TMEM163: variants seen among roughly 807,000 people sequenced by gnomAD.
The protein encoded by TMEM163 is transmembrane protein 163.
In TMEM163, 17 loss-of-function variants were observed where a neutral mutation model predicts 29.3. That is an observed-to-expected ratio of 0.58 (90% CI 0.40 to 0.87). The LOEUF is 0.87. Among genes scored for constraint, TMEM163 ranks in the 40% least tolerant of loss-of-function variants. The pLI, the probability that TMEM163 is intolerant of heterozygous loss-of-function variation, is 0.00. For missense variants in TMEM163, 303 were observed against 381.5 expected (o/e 0.79, Z 1.71); for synonymous variants, 157 against 160.6 (o/e 0.98, Z 0.17).
chr2:134,601,010 T>C (rs1054544219), intron 2 of TMEM163, among the ~76,000 whole-genome samples: 2 of 152,102 alleles, frequency 1.3e-5, no homozygotes, highest in Admixed American at 6.6e-5. Context: ...TTTGCCTTCA[T>C]AGTAAAAACA....
chr2:134,643,731 C>G (rs1441515611), intron 2 of TMEM163, among the ~76,000 whole-genome samples: 1 of 151,278 alleles, frequency 6.6e-6, no homozygotes, highest in Non-Finnish European at 1.5e-5. Context: ...AATGTTCACT[C>G]TCACCATTCC....
In TMEM163 at chr2:134,550,703, A is replaced by C. The variant is rs1247481296; in HGVS notation, c.367-42T>G. 5 of 1,569,864 alleles carry C rather than the reference A, an allele frequency of 3.2e-6. No individual in the cohort carries two copies. The Admixed American group carries it at 6.7e-5, about 21-fold the overall frequency. On this transcript the variant is annotated intron_variant, in intron 3 of 7. Coordinates refer to ENST00000281924, the MANE Select transcript of TMEM163 (RefSeq NM_030923.5). ...TGGCATTAGAGGCTTTCCACAGTTA[A>C]TAGCACACAAATGTGAAGACACAGG... is the stretch of plus-strand genomic sequence containing the variant.
chr2:134,531,350 A>G (rs1680413050), intron 4 of TMEM163, among the ~76,000 whole-genome samples: 1 of 152,220 alleles, frequency 6.6e-6, no homozygotes, highest in African/African-American at 2.4e-5. Context: ...CCACACACTA[A>G]GCAAGCAATT....
At chr2:134,692,685 G>A (rs1684497083) in intron 2 of TMEM163, among the ~76,000 whole-genome samples, 1 of 152,018 alleles carries the variant, frequency 6.6e-6, no homozygotes, top group Non-Finnish European at 1.5e-5. Flanking sequence ...CAAGCCCTCT[G>A]GTGTCTCTTC....
At chr2:134,524,252 A>C (rs572953915) in intron 4 of TMEM163, among the ~76,000 whole-genome samples, 2 of 152,332 alleles carry the variant, frequency 1.3e-5, no homozygotes, top group Non-Finnish European at 1.5e-5. Context: ...CAGGTGGCTT[A>C]ACACTTGGGT....
intron 2 of TMEM163, among the ~76,000 whole-genome samples, chr2:134,580,103 A>G (rs1681657247): frequency 6.6e-6 from 1 of 152,246 alleles, no homozygotes; most frequent in South Asian, 2.1e-4. Context: ...AACAAAGCAG[A>G]AGTATTTTAC....
At chr2:134,679,808 C>T (rs1684190770) in intron 2 of TMEM163, among the ~76,000 whole-genome samples, 1 of 152,190 alleles carries the variant, frequency 6.6e-6, no homozygotes, top group South Asian at 2.1e-4. Context: ...CAGCTCCCAC[C>T]ACCACCCCAC....
chr2:134,698,431 C>T (rs1684625765), intron 2 of TMEM163, among the ~76,000 whole-genome samples: 1 of 152,174 alleles, frequency 6.6e-6, no homozygotes, highest in African/African-American at 2.4e-5. Context: ...CCTCATTTCA[C>T]TTCTAATTAC....
At chr2:134,533,994 T>C (rs1680473874) in intron 4 of TMEM163, among the ~76,000 whole-genome samples, 1 of 152,196 alleles carries the variant, frequency 6.6e-6, no homozygotes, top group South Asian at 2.1e-4. Context: ...CCTCCTCACA[T>C]GCTGTCACAT....
intron 4 of TMEM163, among the ~76,000 whole-genome samples, chr2:134,503,808 G>A (rs1679756287): frequency 6.6e-6 from 1 of 152,138 alleles, no homozygotes; most frequent in Non-Finnish European, 1.5e-5. Context: ...GGCAAAGAAG[G>A]CTATGGGACT....
At chr2:134,625,348 C>G (rs1682825376) in intron 2 of TMEM163, among the ~76,000 whole-genome samples, 1 of 152,026 alleles carries the variant, frequency 6.6e-6, no homozygotes, top group Non-Finnish European at 1.5e-5. Flanking sequence ...GAGTATGTCC[C>G]CTAACCCCAC....
chr2:134,630,079 T>G (rs1682933726), intron 2 of TMEM163, among the ~76,000 whole-genome samples: 1 of 152,190 alleles, frequency 6.6e-6, no homozygotes, highest in Admixed American at 6.5e-5. Context: ...CTACTATGTG[T>G]CAGGACTGTT....
chr2:134,640,634 A>C (rs1360484244), intron 2 of TMEM163, among the ~76,000 whole-genome samples: 1 of 152,166 alleles, frequency 6.6e-6, no homozygotes. Context: ...ACTAGCCTCC[A>C]ACCCACGGGA....
intron 2 of TMEM163, among the ~76,000 whole-genome samples, chr2:134,707,351 A>C (rs958608458): frequency 6.6e-6 from 1 of 152,192 alleles, no homozygotes; most frequent in Non-Finnish European, 1.5e-5. Flanking sequence ...CATGCACAGA[A>C]AATGTCCTGA....
intron 2 of TMEM163, among the ~76,000 whole-genome samples, chr2:134,635,461 GTA>G (rs761518597): frequency 6.6e-6 from 1 of 152,054 alleles, no homozygotes; most frequent in Non-Finnish European, 1.5e-5. Flanking sequence ...ACCATTTGAG[GTA>G]TCTCAGAGTG....
chr2:134,515,909 A>G (rs1481148446), intron 4 of TMEM163, among the ~76,000 whole-genome samples: 1 of 152,196 alleles, frequency 6.6e-6, no homozygotes, highest in Non-Finnish European at 1.5e-5. Context: ...CACTTCTAAC[A>G]TTGACCTGTA....
intron 4 of TMEM163, among the ~76,000 whole-genome samples, chr2:134,530,296 C>T (rs1039187750): frequency 1.2e-4 from 18 of 152,086 alleles, no homozygotes; most frequent in Admixed American, 3.9e-4. Flanking sequence ...CATTGAGACA[C>T]GGTCTCACTC....
chr2:134,518,401 C>A (rs1365667502), intron 4 of TMEM163, among the ~76,000 whole-genome samples: 1 of 152,216 alleles, frequency 6.6e-6, no homozygotes, highest in African/African-American at 2.4e-5. Context: ...TAAAAGATCA[C>A]AATCACACCA....
chr2:134,572,229 C>T (rs1049186581), intron 2 of TMEM163, among the ~76,000 whole-genome samples: 15 of 152,172 alleles, frequency 9.9e-5, no homozygotes, highest in African/African-American at 1.7e-4. Context: ...GAGAAGATGT[C>T]GTCAGCCACA....
Sources: gnomAD v4.1 joint callset for allele counts (sites outside exome capture counted in the v4.1 genomes callset) on GRCh38, gnomAD v4.1.1 for gene constraint, MANE v1.5 for transcripts, NCBI Gene and HGNC (gene_info 2026-07-23, HGNC 2026-07-21) for gene names.